Variants in ADAM22 observed in about 807,000 individuals in gnomAD.
ADAM22 encodes disintegrin and metalloproteinase domain-containing protein 22.
A neutral mutation model predicts 144.6 loss-of-function variants in ADAM22; 65 were observed. The observed-to-expected ratio is 0.45, with a 90% CI of 0.37 to 0.55. The LOEUF is 0.55. ADAM22 is among the 20% of genes least tolerant of loss of function. ADAM22 has a pLI of 0.00. For missense variants in ADAM22, 974 were observed against 1,184.9 expected (o/e 0.82, Z 2.61); for synonymous variants, 391 against 412.6 (o/e 0.95, Z 0.63).
chr7:88,095,671 C>A (rs1273372563), intron 4 of ADAM22, among the ~76,000 whole-genome samples: 1 of 151,998 alleles, frequency 6.6e-6, no homozygotes, highest in Non-Finnish European at 1.5e-5. Context: ...AATTGGCCTG[C>A]GATAAAAATC....
At chr7:88,006,902 G>C (rs911537156) in intron 3 of ADAM22, among the ~76,000 whole-genome samples, 1 of 150,060 alleles carries the variant, frequency 6.7e-6, no homozygotes, top group Non-Finnish European at 1.5e-5. Flanking sequence ...TTCTGGCCAG[G>C]GCAATTAGGC....
chr7:88,094,626 A>T (rs1469132246), intron 4 of ADAM22, among the ~76,000 whole-genome samples: 1 of 152,176 alleles, frequency 6.6e-6, no homozygotes, highest in Non-Finnish European at 1.5e-5. Flanking sequence ...CTTCTCTTGA[A>T]AATCTGGAAA....
chr7:87,980,287 C>CTTTTTTTTTTTTTTTTT lies in ADAM22; in HGVS notation c.323+1887_323+1888insTTTTTTTTTTTTTTTTT, dbSNP rs71120015. Among the ~76,000 whole-genome samples the CTTTTTTTTTTTTTTTTT allele has an allele frequency of 4.6e-4, 54 of 118,390 alleles. 3 individuals are homozygous for CTTTTTTTTTTTTTTTTT. Among genetic ancestry groups the CTTTTTTTTTTTTTTTTT allele is most frequent in the African/African-American group, 5.3e-4 (14 of 26,226 alleles). 77.7% of individuals were successfully genotyped at this position (118,390 alleles called of 152,430 possible). A position where few individuals can be genotyped will look rare whatever the true frequency, so the allele number is the denominator to read the frequency against. ...TGGGCTGAGAAACATGCACTGTGCTCTTTTTTTTTTTTGCCTGGGATCGAT... is the reference window on the plus strand; with the variant it reads ...TGGGCTGAGAAACATGCACTGTGCTCTTTTTTTTTTTTTTTTTTTTTTTTTTTTTGCCTGGGATCGAT... On this transcript the variant is annotated intron_variant, in intron 3 of 31. Coordinates refer to ENST00000413139, the MANE Select transcript of ADAM22 (RefSeq NM_001324418.2).
At chr7:88,051,561 G>A (rs113950098) in intron 3 of ADAM22, among the ~76,000 whole-genome samples, 66 of 152,122 alleles carry the variant, frequency 4.3e-4, no homozygotes, top group African/African-American at 1.6e-3. Flanking sequence ...TGGGGTGGGG[G>A]GAGGAGGGAG....
At chr7:88,101,169 G>A (rs559741540) in intron 4 of ADAM22, among the ~76,000 whole-genome samples, 1 of 151,628 alleles carries the variant, frequency 6.6e-6, no homozygotes, top group Admixed American at 6.6e-5. Context: ...TATGGGGTGA[G>A]GCTGTGAATT....
chr7:88,085,160 G>A (rs193149044), intron 4 of ADAM22, among the ~76,000 whole-genome samples: 218 of 152,274 alleles, frequency 1.4e-3, no homozygotes, highest in South Asian at 6.0e-3. Flanking sequence ...CCTTCCTTAA[G>A]AGCCCTGTAA....
intron 11 of ADAM22, chr7:88,131,701 TACTC>T (rs1831833514): frequency 8.4e-6 from 4 of 473,470 alleles, no homozygotes. Flanking sequence ...ATACTGCTAA[TACTC>T]ATATATAGTA....
intron 4 of ADAM22, among the ~76,000 whole-genome samples, chr7:88,078,079 T>A (rs1429530857): frequency 6.6e-6 from 1 of 152,174 alleles, no homozygotes; most frequent in African/African-American, 2.4e-5. Flanking sequence ...GTAGCCTAAC[T>A]GGGAGGCACC....
At chr7:88,088,949 TC>T (rs1043987605) in intron 4 of ADAM22, among the ~76,000 whole-genome samples, 2 of 152,064 alleles carry the variant, frequency 1.3e-5, no homozygotes, top group African/African-American at 4.8e-5. Flanking sequence ...GCATTCCATT[TC>T]TTTTTTTTTT....
intron 3 of ADAM22, among the ~76,000 whole-genome samples, chr7:88,007,581 C>G (rs1794250688): frequency 6.6e-6 from 1 of 152,118 alleles, no homozygotes; most frequent in Non-Finnish European, 1.5e-5. Context: ...ACAGAGCCCT[C>G]AGAAATAACG....
chr7:88,155,934 C>T lies in ADAM22; in HGVS notation c.1835C>T (p.Pro612Leu). ...YLLCTNIGNI[P>L]RLGELDGEIT... ...TTGTGTACCAATATTGGCAATATCCCAAGGCTTGGAGAACTCGATGGTGAA... is the reference window on the plus strand; with the variant it reads ...TTGTGTACCAATATTGGCAATATCCTAAGGCTTGGAGAACTCGATGGTGAA... Residue 612 changes from proline (P) to leucine (L), a missense_variant, in exon 22 of 32, where the codon CCA (proline) becomes CTA (leucine). Coordinates refer to ENST00000413139, the MANE Select transcript of ADAM22 (RefSeq NM_001324418.2). 6.2e-7 allele frequency: 1 copy of T among 1,613,230 alleles called. No homozygotes were observed. Among genetic ancestry groups the T allele is most frequent in the Non-Finnish European group, 8.5e-7 (1 of 1,179,498 alleles).
At position 87,962,007 on chromosome 7, in the gene ADAM22, T is replaced by C. The variant is rs369979929; in HGVS notation, c.247-16329T>C. ...GTTCCATTCTTCTCTGTCTGCCTTA[T>C]AGATAATGCTCATGCAAGTCATGTA... On this transcript the variant is annotated intron_variant, in intron 2 of 31. Transcript: ENST00000413139. Among the ~76,000 whole-genome samples, 14 of 152,356 alleles carry C rather than the reference T, an allele frequency of 9.2e-5. No individual in the cohort carries two copies. The East Asian group carries it at 1.7e-3, about 19-fold the overall frequency.
intron 5 of ADAM22, among the ~76,000 whole-genome samples, chr7:88,108,684 A>G (rs1325946736): frequency 3.3e-5 from 5 of 152,096 alleles, no homozygotes; most frequent in Middle Eastern, 3.4e-3. Flanking sequence ...AGCCAAGACC[A>G]TGCCACTGCA....
chr7:88,109,599 C>T (rs984499445), intron 5 of ADAM22, among the ~76,000 whole-genome samples: 3 of 151,956 alleles, frequency 2.0e-5, no homozygotes, highest in African/African-American at 7.3e-5. Flanking sequence ...TCCTGTGTGC[C>T]AGCCCTAGGA....
rs114568671 is a variant in ADAM22 at position 87,976,396 on chromosome 7, G to A, written c.247-1940G>A. ...TTATAAGAAGAGAAAGAGACACCAG[G>A]CATGTGCACTTACAAAGAAAAGGCT... On this transcript the variant is annotated intron_variant, in intron 2 of 31. Transcript: ENST00000413139. Among the ~76,000 whole-genome samples the A allele has an allele frequency of 5.0e-3, 759 of 152,284 alleles. 10 individuals carry two copies. The highest frequency in any genetic ancestry group is 0.017 in the African/African-American group (716 of 41,532).
chr7:87,934,299 G>A lies in ADAM22; in HGVS notation c.-167G>A. On this transcript the variant is annotated 5_prime_UTR_variant, in exon 1 of 32. Coordinates refer to ENST00000413139, the MANE Select transcript of ADAM22 (RefSeq NM_001324418.2). ...GGAAGCGTCCGCGAAGCACAATGCA[G>A]CACTGAGCCGCGGTGGAGGTTGCAG... is the stretch of plus-strand genomic sequence containing the variant. 1.7e-6 allele frequency: 1 copy of A among 596,882 alleles called. No homozygotes were observed. Among genetic ancestry groups the A allele is most frequent in the Non-Finnish European group, 2.8e-6 (1 of 354,528 alleles). The allele number at this position is 596,882 out of a possible 1,614,324, so 37.0% of individuals were successfully genotyped here.
chr7:88,130,707 A>G (rs1161402131), intron 10 of ADAM22, among the ~76,000 whole-genome samples: 1 of 152,160 alleles, frequency 6.6e-6, no homozygotes, highest in East Asian at 1.9e-4. Flanking sequence ...TGTAAAAACA[A>G]AGGTTGTGTC....
Position 88,201,940 on chromosome 7 carries a change from G to C in ADAM22, c.*5449G>C, listed in dbSNP as rs762125563. On this transcript the variant is annotated 3_prime_UTR_variant, in exon 32 of 32. Transcript: ENST00000413139. ...AGCCTCTTATTTTATGAATTTTCAG[G>C]CTGTGATTTGTGTTGGATGGCTAAG... 4.6e-5 allele frequency: 7 copies of C among 152,032 alleles called. No individual in the cohort carries two copies. The highest frequency in any genetic ancestry group is 8.8e-5 in the Non-Finnish European group (6 of 68,004). 9.4% of individuals were successfully genotyped at this position (152,032 alleles called of 1,614,324 possible).
At chr7:88,059,746 G>C (rs183057496) in intron 3 of ADAM22, among the ~76,000 whole-genome samples, 1 of 152,274 alleles carries the variant, frequency 6.6e-6, no homozygotes, top group Non-Finnish European at 1.5e-5. Context: ...ATTGTCCTAA[G>C]TGAATTAGTG....
Sources: allele counts gnomAD v4.1 joint callset (sites outside exome capture counted in the v4.1 genomes callset), GRCh38; gene constraint gnomAD v4.1.1; transcripts MANE v1.5; gene names NCBI Gene and HGNC (gene_info 2026-07-23, HGNC 2026-07-21).